The following CFH variants were observed in gnomAD, a reference collection of about 807,000 sequenced individuals.
CFH encodes the protein H factor 1 (complement).
CFH carries 53 observed loss-of-function variants against 147.3 expected under a neutral mutation model. The observed-to-expected ratio is 0.36, with a 90% CI of 0.29 to 0.45. The LOEUF (loss-of-function observed/expected upper bound fraction) is 0.45. CFH is among the 20% of genes least tolerant of loss of function. The pLI is 1.00. For synonymous variants in CFH, 536 were observed against 489.4 expected (o/e 1.10, Z -1.26); for missense variants, 1,380 against 1,498.0 (o/e 0.92, Z 1.30).
In CFH at chr1:196,737,547, G is replaced by T. The variant is rs515299; in HGVS notation, c.2669G>T (p.Ser890Ile). ...TINSSRSSQESYAHGTKLSYT... is the reference protein window; with the variant it reads ...TINSSRSSQEIYAHGTKLSYT... Reference sequence around the variant, plus strand: ...AATTCATCCAGGTCTTCACAAGAAAGTTATGCACATGGGACTAAATTGAGT... The same window carrying T: ...AATTCATCCAGGTCTTCACAAGAAATTTATGCACATGGGACTAAATTGAGT... The change falls in exon 17 of 22, where the codon AGT becomes ATT. Residue 890 changes from serine (S) to isoleucine (I), a missense_variant. Coordinates refer to ENST00000367429, the MANE Select transcript of CFH (RefSeq NM_000186.4). 19,201 of 1,613,318 alleles carry T rather than the reference G, an allele frequency of 0.012. 1,602 individuals carry two copies. The African/African-American group carries it at 0.2, about 17-fold the overall frequency.
At chr1:196,736,200 C>T (rs1190913347) in intron 15 of CFH, among the ~76,000 whole-genome samples, 1 of 151,978 alleles carries the variant, frequency 6.6e-6, no homozygotes, top group Non-Finnish European at 1.5e-5. Context: ...AAACTGGGTG[C>T]ATAACATCCA....
At chr1:196,722,259 G>C (rs1669018560) in intron 11 of CFH, among the ~76,000 whole-genome samples, 2 of 152,044 alleles carry the variant, frequency 1.3e-5, no homozygotes, top group Non-Finnish European at 2.9e-5. Flanking sequence ...ATTTCTAGTG[G>C]TGATGAACTT....
chr1:196,711,891 A>G (rs1425258014), intron 9 of CFH, among the ~76,000 whole-genome samples: 1 of 152,030 alleles, frequency 6.6e-6, no homozygotes, highest in African/African-American at 2.4e-5. Context: ...CAGCCAAATA[A>G]TCTAGGGAGT....
intron 19 of CFH, among the ~76,000 whole-genome samples, chr1:196,742,481 A>G (rs1652840843): frequency 6.6e-6 from 1 of 152,236 alleles, no homozygotes. Flanking sequence ...ATTAAAATGG[A>G]CATAAATTAA....
At position 196,673,093 on chromosome 1, in the gene CFH, T is replaced by C. The variant is rs1667338008; in HGVS notation, c.174T>C (p.Ser58=). The change falls in exon 2 of 22, where the codon TCT becomes TCC. Residue 58 remains serine, a synonymous_variant. Transcript: ENST00000367429. ...ATAAATGCCGCCCTGGATATAGATCTCTTGGAAATGTAATAATGGTATGCA... is the reference window on the plus strand; with the variant it reads ...ATAAATGCCGCCCTGGATATAGATCCCTTGGAAATGTAATAATGGTATGCA... The part of the protein sequence containing the change: ...AIYKCRPGYR[S]LGNVIMVCRK... 1.2e-6 allele frequency: 2 copies of C among 1,613,902 alleles called. No homozygotes were observed. Among genetic ancestry groups the C allele is most frequent in the South Asian group, 1.1e-5 (1 of 91,086 alleles).
intron 7 of CFH, among the ~76,000 whole-genome samples, chr1:196,686,480 G>A (rs559186273): frequency 2.0e-5 from 3 of 152,044 alleles, no homozygotes; most frequent in East Asian, 3.9e-4. Context: ...CCTTTTTAAT[G>A]TTTTTTCTAT....
intron 6 of CFH, among the ~76,000 whole-genome samples, chr1:196,682,847 A>G (rs914848195): frequency 3.3e-5 from 5 of 151,692 alleles, no homozygotes; most frequent in Admixed American, 6.6e-5. Context: ...TAAATATATT[A>G]TCCTGTTAGC....
intron 9 of CFH, among the ~76,000 whole-genome samples, chr1:196,693,955 GGTGTGTGTGTGTGTGT>G (rs71567586): frequency 7.0e-5 from 10 of 142,654 alleles, no homozygotes; most frequent in African/African-American, 1.8e-4. Context: ...TTAGATAAAT[GGTGTGTGTGTGTGTGT>G]GTGTGTGTGT....
intron 9 of CFH, among the ~76,000 whole-genome samples, chr1:196,699,266 G>A (rs1240678411): frequency 6.6e-6 from 1 of 151,954 alleles, no homozygotes; most frequent in Non-Finnish European, 1.5e-5. Context: ...TCTAATATGT[G>A]TGTGATGGTA....
intron 3 of CFH, 65 bp from the exon 4 acceptor site, chr1:196,675,924 C>A: frequency 1.0e-6 from 1 of 979,398 alleles, no homozygotes; most frequent in Non-Finnish European, 1.6e-6. Context: ...CTCAGAATGG[C>A]ATCGAGTTTA....
At chr1:196,715,454 C>G (rs1668846488) in intron 10 of CFH, 139 bp from the exon 11 acceptor site, 1 of 651,852 alleles carries the variant, frequency 1.5e-6, no homozygotes, top group African/African-American at 1.8e-5. Flanking sequence ...CAAATTCTCA[C>G]CAGTCATAGA....
At chr1:196,702,916 A>C (rs899127327) in intron 9 of CFH, among the ~76,000 whole-genome samples, 1 of 152,198 alleles carries the variant, frequency 6.6e-6, no homozygotes, top group African/African-American at 2.4e-5. Flanking sequence ...TCTTAGAACA[A>C]GTCTTTGAAG....
At chr1:196,701,576 C>T (rs1464559546) in intron 9 of CFH, 1 of 546,658 alleles carries the variant, frequency 1.8e-6, no homozygotes, top group Non-Finnish European at 3.3e-6. Context: ...ACCCCACTGT[C>T]TCAGTGTATT....
chr1:196,676,664 T>G (rs1046520416), intron 4 of CFH, among the ~76,000 whole-genome samples: 1 of 151,950 alleles, frequency 6.6e-6, no homozygotes, highest in African/African-American at 2.4e-5. Context: ...TCAACCAGAG[T>G]AGTATTTCCT....
chr1:196,722,947 AT>A (rs1362607368), intron 11 of CFH, among the ~76,000 whole-genome samples: 1 of 151,932 alleles, frequency 6.6e-6, no homozygotes, highest in Non-Finnish European at 1.5e-5. Context: ...TTTAAAAAAT[AT>A]TTTTAGTACA....
intron 9 of CFH, chr1:196,700,807 G>A: frequency 1.0e-6 from 1 of 985,348 alleles, no homozygotes; most frequent in Non-Finnish European, 1.2e-6. Context: ...GCCTTAGCTG[G>A]GGCCTTCTGT....
chr1:196,715,529 G>T, intron 10 of CFH, 64 bp from the exon 11 acceptor site: 6 of 1,293,922 alleles, frequency 4.6e-6, no homozygotes, highest in Non-Finnish European at 6.7e-6. Context: ...TCTTAGAATG[G>T]GAAATACTCA....
chr1:196,707,918 A>C (rs1336404285), intron 9 of CFH, among the ~76,000 whole-genome samples: 1 of 152,168 alleles, frequency 6.6e-6, no homozygotes, highest in African/African-American at 2.4e-5. Flanking sequence ...CTTAAGCCAT[A>C]TATTTACTTG....
At chr1:196,655,348 C>A (rs1279118014) in intron 1 of CFH, among the ~76,000 whole-genome samples, 2 of 152,154 alleles carry the variant, frequency 1.3e-5, no homozygotes, top group Non-Finnish European at 2.9e-5. Context: ...TGGCACGAGC[C>A]TGAGACGTCT....
Sources: gnomAD v4.1 joint callset for allele counts (sites outside exome capture counted in the v4.1 genomes callset) on GRCh38, gnomAD v4.1.1 for gene constraint, MANE v1.5 for transcripts, NCBI Gene and HGNC (gene_info 2026-07-23, HGNC 2026-07-21) for gene names.